PCDHGB6: variants seen among roughly 807,000 people sequenced by gnomAD.
The protein encoded by PCDHGB6 is protocadherin gamma subfamily B, 6, also known as protocadherin gamma-B6.
In PCDHGB6, 51 loss-of-function variants were observed where a neutral mutation model predicts 59.1. The ratio of observed to expected loss-of-function variants is 0.86; its 90% CI spans 0.69 to 1.09. PCDHGB6 has a LOEUF of 1.09. PCDHGB6 is among the 50% of genes least tolerant of loss of function. The pLI is 0.00. For synonymous variants in PCDHGB6, 466 were observed against 495.1 expected (o/e 0.94, Z 0.78); for missense variants, 1,148 against 1,205.1 (o/e 0.95, Z 0.70).
chr5:141,427,149 A>G (rs1303323489), intron 1 of PCDHGB6: 1 of 456,850 alleles, frequency 2.2e-6, no homozygotes, highest in Non-Finnish European at 4.4e-6. Context: ...TATTGGAAAT[A>G]TGTTTGTGCT....
Position 141,477,393 on chromosome 5 carries a change from G to A in PCDHGB6, c.2419-17414G>A, listed in dbSNP as rs1397453429. On this transcript the variant is annotated intron_variant, in intron 1 of 3. Transcript: ENST00000520790. This position sits in a 1 kb window ranked among gnomAD's most constrained non-coding sequence, Gnocchi z 4.9. The stretch of plus-strand genomic sequence containing the variant: ...GAGACTGTGCCAGAATACAACCTCA[G>A]CATCACCGCCCGAGACGCCGGAACC... The A allele has an allele frequency of 5.6e-6, 9 of 1,614,098 alleles. No individual in the cohort carries two copies. Among genetic ancestry groups the A allele is most frequent in the Non-Finnish European group, 7.6e-6 (9 of 1,180,028 alleles).
chr5:141,415,112 T>G, intron 1 of PCDHGB6: 1 of 1,613,626 alleles, frequency 6.2e-7, no homozygotes, highest in Non-Finnish European at 8.5e-7. Flanking sequence ...AAGCAAAGCC[T>G]CGTAGTGGCC....
Position 141,444,152 on chromosome 5 carries a change from ATTTTTTTTTTTTTTTTT to A in PCDHGB6, c.2418+33552_2418+33568del, listed in dbSNP as rs747671382. Among the ~76,000 whole-genome samples, 167 of 33,906 alleles carry A rather than the reference ATTTTTTTTTTTTTTTTT, an allele frequency of 4.9e-3. 1 individual carries two copies. The highest frequency in any genetic ancestry group is 7.0e-3 in the Non-Finnish European group (136 of 19,318). The allele number at this position is 33,906 out of a possible 152,430, so 22.2% of individuals were successfully genotyped here. A position where few individuals can be genotyped will look rare whatever the true frequency, so the allele number is the denominator to read the frequency against. On this transcript the variant is annotated intron_variant, in intron 1 of 3. Coordinates refer to ENST00000520790, the MANE Select transcript of PCDHGB6 (RefSeq NM_018926.3). ...GATATGTGTCACTTGTGTGTACTGG[ATTTTTTTTTTTTTTTTT>A]TTTTTTTTTTTTTTTTTTTGAGATG...
Position 141,423,337 on chromosome 5 carries a change from A to G in PCDHGB6, c.2418+12717A>G, listed in dbSNP as rs769321122. The G allele has an allele frequency of 6.0e-5, 97 of 1,614,180 alleles. 1 individual carries two copies. The African/African-American group carries it at 8.9e-4, about 15-fold the overall frequency. ...GGTGGCGGTGGCCGCAGTCTCCTGC[A>G]TCTTCCTGGTCTTTGTCATCGTGCT... On this transcript the variant is annotated intron_variant, in intron 1 of 3. Coordinates refer to ENST00000520790, the MANE Select transcript of PCDHGB6 (RefSeq NM_018926.3).
intron 1 of PCDHGB6, among the ~76,000 whole-genome samples, chr5:141,462,009 G>C (rs2099028674): frequency 6.6e-6 from 1 of 152,190 alleles, no homozygotes; most frequent in Non-Finnish European, 1.5e-5. Flanking sequence ...TTTTAATAGA[G>C]ACGGGGTTTC....
intron 1 of PCDHGB6, among the ~76,000 whole-genome samples, chr5:141,457,906 T>G (rs1272656638): frequency 6.7e-6 from 1 of 150,040 alleles, no homozygotes; most frequent in Admixed American, 6.6e-5. Flanking sequence ...AGACAAGGTG[T>G]GAGGCCAGTT....
At position 141,485,299 on chromosome 5, in the gene PCDHGB6, G is replaced by A; in HGVS notation, c.2419-9508G>A. On this transcript the variant is annotated intron_variant, in intron 1 of 3. Coordinates refer to ENST00000520790, the MANE Select transcript of PCDHGB6 (RefSeq NM_018926.3). The surrounding 1 kb of genome is among the most constrained non-coding windows in gnomAD (Gnocchi z 5.7). ...CGGTCCCAGAGGAGTCACAGGAAGG[G>A]ACTTTTGTAGGGAATGTCGCTCAAG... 1 of 1,614,180 alleles carries A rather than the reference G, an allele frequency of 6.2e-7. No individual in the cohort carries two copies. Among genetic ancestry groups the A allele is most frequent in the Non-Finnish European group, 8.5e-7 (1 of 1,180,012 alleles).
chr5:141,462,911 T>C (rs1263378930), intron 1 of PCDHGB6, among the ~76,000 whole-genome samples: 1 of 152,248 alleles, frequency 6.6e-6, no homozygotes, highest in Non-Finnish European at 1.5e-5. Flanking sequence ...ATTATGTTTT[T>C]TGCAGATCAG....
chr5:141,476,557 C>T lies in PCDHGB6; in HGVS notation c.2419-18250C>T. On this transcript the variant is annotated intron_variant, in intron 1 of 3. Coordinates refer to ENST00000520790, the MANE Select transcript of PCDHGB6 (RefSeq NM_018926.3). This position sits in a 1 kb window ranked among gnomAD's most constrained non-coding sequence, Gnocchi z 7.6. ...AAATGAAATTGGAGATTAGCGAGGC[C>T]GTGGCTCCGGGGACGCGCTTTCCGC... The T allele has an allele frequency of 1.2e-6, 2 of 1,614,222 alleles. No homozygotes were observed. The highest frequency in any genetic ancestry group is 1.3e-5 in the African/African-American group (1 of 75,060).
intron 1 of PCDHGB6, chr5:141,421,230 G>T: frequency 6.3e-7 from 1 of 1,590,132 alleles, no homozygotes. Context: ...AGCCTGCCAT[G>T]GCGAATCGGC....
At chr5:141,442,158 A>T (rs966591795) in intron 1 of PCDHGB6, 1 of 157,594 alleles carries the variant, frequency 6.3e-6, no homozygotes, top group African/African-American at 2.4e-5. Context: ...CTCAGCGATC[A>T]CTCTGCAAAG....
At chr5:141,419,886 G>C (rs1195529127) in intron 1 of PCDHGB6, 1 of 1,614,076 alleles carries the variant, frequency 6.2e-7, no homozygotes, top group Non-Finnish European at 8.5e-7. Context: ...CCGGATTTCA[G>C]CGACCATCCC....
At position 141,448,695 on chromosome 5, in the gene PCDHGB6, C is replaced by T. The variant is rs535473305; in HGVS notation, c.2418+38075C>T. 2.7e-4 allele frequency among the ~76,000 whole-genome samples: 41 copies of T among 152,246 alleles called. No homozygotes were observed. In the South Asian group the frequency reaches 8.5e-3, roughly 32 times the overall value. On this transcript the variant is annotated intron_variant, in intron 1 of 3. Coordinates refer to ENST00000520790, the MANE Select transcript of PCDHGB6 (RefSeq NM_018926.3). Reference sequence around the variant, plus strand: ...GTGGCTCACGCCTGTAATCGCAGCACTTTGGGAGGCCGAGGCGGGAGGATC... The same window carrying T: ...GTGGCTCACGCCTGTAATCGCAGCATTTTGGGAGGCCGAGGCGGGAGGATC...
At chr5:141,422,280 C>G (rs748287385) in intron 1 of PCDHGB6, 9 of 1,557,754 alleles carry the variant, frequency 5.8e-6, no homozygotes, top group Non-Finnish European at 7.8e-6. Flanking sequence ...TAACTATCAC[C>G]TCTTCTATTA....
chr5:141,490,346 T>A lies in PCDHGB6; in HGVS notation c.2419-4461T>A. On this transcript the variant is annotated intron_variant, in intron 1 of 3. Coordinates refer to ENST00000520790, the MANE Select transcript of PCDHGB6 (RefSeq NM_018926.3). This position sits in a 1 kb window ranked among gnomAD's most constrained non-coding sequence, Gnocchi z 5.4. ...GAGAGCACACCAGTGGGCACAGTAG[T>A]GGGGTTGTTTAATGTGCGAGACCGG... The A allele has an allele frequency of 6.2e-7, 1 of 1,614,164 alleles. No individual in the cohort carries two copies. The highest frequency in any genetic ancestry group is 8.5e-7 in the Non-Finnish European group (1 of 1,180,020).
intron 1 of PCDHGB6, chr5:141,419,630 G>A (rs1484627772): frequency 6.2e-7 from 1 of 1,612,430 alleles, no homozygotes; most frequent in South Asian, 1.1e-5. Context: ...GGTGACCAAG[G>A]TGGTGGCCGT....
chr5:141,492,037 C>A (rs556842734), intron 1 of PCDHGB6: 94 of 538,798 alleles, frequency 1.7e-4, no homozygotes, highest in Non-Finnish European at 2.5e-4. Flanking sequence ...AGGAGGCAGT[C>A]ACAGATCCAC....
Position 141,431,334 on chromosome 5 carries a change from C to G in PCDHGB6, c.2418+20714C>G, listed in dbSNP as rs775651426. ...AATGGAGCCGACGGTAGTAAGTACC[C>G]CGAATTGGTGCTGAAACGCGCCCTG... On this transcript the variant is annotated intron_variant, in intron 1 of 3. Transcript: ENST00000520790. This position sits in a 1 kb window ranked among gnomAD's most constrained non-coding sequence, Gnocchi z 4.8. 1.9e-6 allele frequency: 3 copies of G among 1,614,118 alleles called. No individual in the cohort carries two copies. The South Asian group carries it at 3.3e-5, about 18-fold the overall frequency.
intron 3 of PCDHGB6, 48 bp downstream of exon 3, chr5:141,505,529 T>C (rs1479433990): frequency 1.9e-6 from 3 of 1,612,066 alleles, no homozygotes; most frequent in Non-Finnish European, 2.5e-6. Context: ...CCTGGGGTTC[T>C]GGGGTGCATC....
Sources: gnomAD v4.1 joint callset for allele counts (sites outside exome capture counted in the v4.1 genomes callset) on GRCh38, gnomAD v4.1.1 for gene constraint, Gnocchi (gnomAD v3.1) non-coding constraint, MANE v1.5 for transcripts, NCBI Gene and HGNC (gene_info 2026-07-23, HGNC 2026-07-21) for gene names.